CSMD1: variants seen among roughly 807,000 people sequenced by gnomAD.
The protein encoded by CSMD1 is CUB and sushi domain-containing protein 1.
CSMD1 carries 213 observed loss-of-function variants against 417.5 expected under a neutral mutation model. That is an observed-to-expected ratio of 0.51 (90% CI 0.46 to 0.57). The LOEUF (loss-of-function observed/expected upper bound fraction) is 0.57, where lower values mean the gene tolerates loss of function less well. Ranked by LOEUF, CSMD1 falls within the 20% of genes least tolerant of loss-of-function variation. The probability of loss-of-function intolerance (pLI) is 0.00; values close to 1 mark genes in which losing one functional copy is unlikely to be tolerated. For synonymous variants in CSMD1, 2,862 were observed against 1,736.8 expected, an observed-to-expected ratio of 1.65 and a Z score of -16.11; for missense variants, 6,923 against 4,529.7, an observed-to-expected ratio of 1.53 and a Z score of -15.17.
chr8:3,276,547 G>C (rs1400908861), intron 26 of CSMD1, among the ~76,000 whole-genome samples: 1 of 152,152 alleles, frequency 6.6e-6, no homozygotes, highest in African/African-American at 2.4e-5. Flanking sequence ...AGAAAGACCT[G>C]CTCCCATGAT....
chr8:3,170,146 G>A (rs1209383076), intron 37 of CSMD1, among the ~76,000 whole-genome samples: 1 of 152,240 alleles, frequency 6.6e-6, no homozygotes, highest in Non-Finnish European at 1.5e-5. Context: ...AATTTGCTTT[G>A]CTGAGAAATC....
intron 10 of CSMD1, among the ~76,000 whole-genome samples, chr8:3,514,629 G>A (rs953529682): frequency 6.6e-6 from 1 of 152,014 alleles, no homozygotes; most frequent in Admixed American, 6.6e-5. Flanking sequence ...TTTTTTCAGT[G>A]CTAGTCATAT....
At chr8:3,104,856 C>T (rs1054547470) in intron 46 of CSMD1, among the ~76,000 whole-genome samples, 9 of 152,032 alleles carry the variant, frequency 5.9e-5, no homozygotes, top group East Asian at 1.9e-4. Flanking sequence ...TACAGGCATG[C>T]GCCACCACGC....
chr8:4,777,248 G>A (rs960735192), intron 1 of CSMD1, among the ~76,000 whole-genome samples: 1 of 152,224 alleles, frequency 6.6e-6, no homozygotes, highest in African/African-American at 2.4e-5. Context: ...CCTCTCTGAA[G>A]CAGGAGGCAA....
At chr8:3,727,167 C>G (rs1445901950) in intron 6 of CSMD1, among the ~76,000 whole-genome samples, 2 of 152,114 alleles carry the variant, frequency 1.3e-5, no homozygotes, top group African/African-American at 2.4e-5. Flanking sequence ...ATTTTAAAAC[C>G]ATACTTAGAG....
intron 2 of CSMD1, among the ~76,000 whole-genome samples, chr8:4,612,350 T>G (rs184878565): frequency 1.4e-5 from 2 of 144,190 alleles, no homozygotes; most frequent in Non-Finnish European, 3.0e-5. Context: ...CTTTCAGAAT[T>G]GAAAAAAAAC....
intron 3 of CSMD1, among the ~76,000 whole-genome samples, chr8:4,294,489 T>G (rs1464054403): frequency 1.3e-5 from 2 of 152,114 alleles, no homozygotes; most frequent in African/African-American, 4.8e-5. Context: ...GTTGTTTCAT[T>G]TAACCTCAGG....
intron 5 of CSMD1, among the ~76,000 whole-genome samples, chr8:3,842,332 A>G (rs1477423348): frequency 1.3e-5 from 2 of 152,132 alleles, no homozygotes; most frequent in South Asian, 2.1e-4. Context: ...CTCTGACTCA[A>G]TTAGGTTTTA....
At chr8:4,035,191 G>C (rs1245866451) in intron 3 of CSMD1, among the ~76,000 whole-genome samples, 7 of 152,082 alleles carry the variant, frequency 4.6e-5, no homozygotes, top group East Asian at 1.9e-4. Flanking sequence ...GCCGTCATGA[G>C]GTCGTAGTGC....
intron 1 of CSMD1, among the ~76,000 whole-genome samples, chr8:4,905,608 A>G (rs1805195276): frequency 6.6e-6 from 1 of 151,886 alleles, no homozygotes; most frequent in African/African-American, 2.4e-5. Context: ...TCACGAGGTC[A>G]TGAGATCGAG....
chr8:3,600,153 C>T (rs1220907024), intron 8 of CSMD1, among the ~76,000 whole-genome samples: 1 of 152,204 alleles, frequency 6.6e-6, no homozygotes, highest in African/African-American at 2.4e-5. Context: ...CTGCAGGTGG[C>T]ATCAGCAAGC....
chr8:4,657,086 G>A (rs116810414), intron 1 of CSMD1, among the ~76,000 whole-genome samples: 2 of 152,120 alleles, frequency 1.3e-5, no homozygotes, highest in East Asian at 1.9e-4. Flanking sequence ...GCACAGAAAA[G>A]CTAGGCACAG....
At chr8:4,157,416 G>T (rs752411381) in intron 3 of CSMD1, among the ~76,000 whole-genome samples, 1 of 152,036 alleles carries the variant, frequency 6.6e-6, no homozygotes, top group Non-Finnish European at 1.5e-5. Context: ...TTCTATTTTC[G>T]TCCTTTTTCT....
At chr8:3,183,214 G>A (rs1270865063) in intron 36 of CSMD1, 8 of 116,222 alleles carry the variant, frequency 6.9e-5, no homozygotes, top group African/African-American at 2.3e-4. Context: ...ATATCGAGTA[G>A]GTCTCTAACG....
intron 5 of CSMD1, among the ~76,000 whole-genome samples, chr8:3,982,279 C>T (rs942460069): frequency 6.6e-6 from 1 of 151,442 alleles, no homozygotes; most frequent in African/African-American, 2.4e-5. Context: ...AAATCCTGGT[C>T]TACATTCCTG....
At chr8:4,853,114 T>A (rs1801582470) in intron 1 of CSMD1, among the ~76,000 whole-genome samples, 1 of 152,172 alleles carries the variant, frequency 6.6e-6, no homozygotes, top group Non-Finnish European at 1.5e-5. Context: ...AAGCATGTTT[T>A]TAGTGGAAGA....
intron 3 of CSMD1, among the ~76,000 whole-genome samples, chr8:4,056,117 T>C (rs1471531320): frequency 6.9e-6 from 1 of 144,248 alleles, no homozygotes; most frequent in Non-Finnish European, 1.5e-5. Context: ...AGTCTCACTT[T>C]GTCACCCAAG....
chr8:3,518,668 A>G (rs1199687082), intron 10 of CSMD1, among the ~76,000 whole-genome samples: 1 of 152,168 alleles, frequency 6.6e-6, no homozygotes, highest in East Asian at 1.9e-4. Flanking sequence ...ACAAATGAGA[A>G]ACAACTAATC....
At chr8:3,433,550 G>C (rs1416439726) in intron 12 of CSMD1, among the ~76,000 whole-genome samples, 1 of 152,148 alleles carries the variant, frequency 6.6e-6, no homozygotes, top group Admixed American at 6.6e-5. Context: ...CTTTCGGACA[G>C]TCTAAATTAT....
Sources: gnomAD v4.1 joint callset for allele counts (sites outside exome capture counted in the v4.1 genomes callset) on GRCh38, gnomAD v4.1.1 for gene constraint, MANE v1.5 for transcripts, NCBI Gene and HGNC (gene_info 2026-07-23, HGNC 2026-07-21) for gene names.